The following ZDHHC11 variants were observed in gnomAD, a reference collection of about 807,000 sequenced individuals.
ZDHHC11 encodes zDHHC palmitoyltransferase 11.
ZDHHC11 carries 44 observed loss-of-function variants against 51.3 expected under a neutral mutation model. The ratio of observed to expected loss-of-function variants is 0.86; its 90% confidence interval spans 0.67 to 1.10. The LOEUF (loss-of-function observed/expected upper bound fraction) is 1.10, where lower values mean the gene tolerates loss of function less well. ZDHHC11 is among the 50% of genes least tolerant of loss of function. ZDHHC11 has a pLI of 0.00. For synonymous variants in ZDHHC11, 163 were observed against 222.0 expected (o/e 0.73, Z 2.36); for missense variants, 400 against 537.7 (o/e 0.74, Z 2.53).
chr5:829,121 C>A (rs1436223162), intron 7 of ZDHHC11, among the ~76,000 whole-genome samples: 2 of 137,970 alleles, frequency 1.4e-5, no homozygotes, highest in African/African-American at 5.3e-5. Flanking sequence ...AACCCAAACC[C>A]AACAGAAGAA....
rs190901128 is a variant in ZDHHC11 at position 836,738 on chromosome 5, G to A, written c.900+627C>T. Among the ~76,000 whole-genome samples, 670 of 149,534 alleles carry A rather than the reference G, an allele frequency of 4.5e-3. 49 individuals are homozygous for A. Among genetic ancestry groups the A allele is most frequent in the Non-Finnish European group, 2.8e-3 (190 of 67,134 alleles). ...TTATAATAATTCATGTCACTTAACC[G>A]GAAAGGGAACTAACTTCCTTAAGTT... On this transcript the variant is annotated intron_variant, in intron 6 of 12. Transcript: ENST00000283441.
intron 10 of ZDHHC11, chr5:816,584 G>A: frequency 1.6e-6 from 1 of 620,368 alleles, no homozygotes; most frequent in South Asian, 1.4e-5. Flanking sequence ...TTGTCTAATT[G>A]ACGGTCACCT....
At chr5:839,993 C>T (rs1319626450) in intron 5 of ZDHHC11, 8 of 554,144 alleles carry the variant, frequency 1.4e-5, no homozygotes, top group Non-Finnish European at 3.2e-6. Flanking sequence ...CGTTCAGCAA[C>T]ATGACTGACC....
At chr5:855,500 A>T (rs1156502457), upstream of ZDHHC11, among the ~76,000 whole-genome samples, 5 of 144,716 alleles carry the variant, frequency 3.5e-5, no homozygotes, top group African/African-American at 1.4e-4. Flanking sequence ...CACAGAGGAC[A>T]GCAAGCTGGG....
rs201839956 is a variant in ZDHHC11, at chr5:819,578, G to A, written c.1093C>T (p.Arg365Cys). 85 of 1,609,908 alleles carry A rather than the reference G, an allele frequency of 5.3e-5. 3 individuals are homozygous for A. Among genetic ancestry groups the A allele is most frequent in the Admixed American group, 5.2e-4 (31 of 59,930 alleles). The change falls in exon 10 of 13, where the codon CGC becomes TGC. Residue 365 changes from arginine (R) to cysteine (C), a missense_variant. Transcript: ENST00000283441. ...ACACGAGTGGAGAACTGACACAGGCGCCTGCAAATCAGCCGGGAGTTCCTG... is the reference window on the plus strand; with the variant it reads ...ACACGAGTGGAGAACTGACACAGGCACCTGCAAATCAGCCGGGAGTTCCTG... ...KARNSRLICR[R>C]LCQFSTRVHP...
intron 3 of ZDHHC11, among the ~76,000 whole-genome samples, chr5:845,140 G>C (rs1745922566): frequency 1.3e-5 from 2 of 152,288 alleles, no homozygotes; most frequent in African/African-American, 4.8e-5. Context: ...GATAATCCAG[G>C]GGTGACGGGT....
At chr5:812,311 TGAAA>T (rs894750575) in intron 11 of ZDHHC11, among the ~76,000 whole-genome samples, 1 of 151,908 alleles carries the variant, frequency 6.6e-6, no homozygotes, top group African/African-American at 2.4e-5. Flanking sequence ...AAAGACAGAC[TGAAA>T]GAAATACGTT....
intron 11 of ZDHHC11, among the ~76,000 whole-genome samples, chr5:802,907 G>T (rs1381902761): frequency 7.0e-6 from 1 of 143,106 alleles, no homozygotes; most frequent in Non-Finnish European, 1.5e-5. Context: ...TGTAGTCCCA[G>T]TTACTTGGGA....
At chr5:815,977 C>T (rs78461322) in intron 10 of ZDHHC11, among the ~76,000 whole-genome samples, 3,712 of 151,296 alleles carry the variant, frequency 0.025, 218 homozygotes, top group African/African-American at 0.082. Context: ...GTGGTTTTAG[C>T]TCGTGGATCC....
At chr5:834,031 T>A (rs547395441) in intron 6 of ZDHHC11, among the ~76,000 whole-genome samples, 2 of 152,418 alleles carry the variant, frequency 1.3e-5, no homozygotes, top group East Asian at 3.9e-4. Flanking sequence ...TAGACATTTA[T>A]CTTTTAAAGA....
upstream of ZDHHC11, among the ~76,000 whole-genome samples, chr5:854,477 T>G (rs1214826732): frequency 0.029 from 1,565 of 54,706 alleles, no homozygotes; most frequent in Middle Eastern, 0.057. Context: ...AGTGAGCAGC[T>G]GGGACAGACC....
At chr5:823,981 G>A (rs112980019) in intron 8 of ZDHHC11, 19,404 of 444,750 alleles carry the variant, frequency 0.044, 978 homozygotes, top group Non-Finnish European at 0.055. Flanking sequence ...GCAGGCAAGG[G>A]GCAAGGCTTG....
chr5:840,934 G>A (rs1180119720), intron 4 of ZDHHC11: 4 of 1,384,960 alleles, frequency 2.9e-6, no homozygotes, highest in Admixed American at 3.0e-5. Flanking sequence ...AAGTGCTGGG[G>A]TCACAGCGCC....
chr5:801,793 T>G (rs1738462381), intron 11 of ZDHHC11, among the ~76,000 whole-genome samples: 1 of 151,240 alleles, frequency 6.6e-6, no homozygotes, highest in African/African-American at 2.4e-5. Context: ...CGCAAAATTT[T>G]GCTTTGAAAG....
At chr5:820,018 T>C (rs1646682980) in intron 9 of ZDHHC11, among the ~76,000 whole-genome samples, 1 of 151,354 alleles carries the variant, frequency 6.6e-6, no homozygotes, top group Admixed American at 6.6e-5. Flanking sequence ...GTGACCTTCA[T>C]TTTTACCTGG....
intron 7 of ZDHHC11, among the ~76,000 whole-genome samples, 193 bp downstream of exon 7, chr5:833,580 C>CA (rs1433295782): frequency 6.6e-6 from 1 of 151,208 alleles, no homozygotes. Context: ...GCAAGTAAGA[C>CA]AAGCACATCG....
chr5:798,406 C>A (rs547197126), intron 12 of ZDHHC11, among the ~76,000 whole-genome samples: 2 of 151,560 alleles, frequency 1.3e-5, no homozygotes, highest in African/African-American at 2.4e-5. Context: ...GACACGGACA[C>A]GCGCACGCGT....
chr5:856,232 C>T (rs115217282), intron 1 of ZDHHC11, among the ~76,000 whole-genome samples: 152 of 151,086 alleles, frequency 1.0e-3, no homozygotes, highest in African/African-American at 3.6e-3. Flanking sequence ...GACCACACAC[C>T]GCATACCACA....
At chr5:817,176 G>A (rs529355912) in intron 10 of ZDHHC11, among the ~76,000 whole-genome samples, 3 of 151,698 alleles carry the variant, frequency 2.0e-5, no homozygotes, top group South Asian at 2.1e-4. Context: ...TAGCTCTGAG[G>A]TCAAGCTGTG....
Sources: gnomAD v4.1 joint callset for allele counts (sites outside exome capture counted in the v4.1 genomes callset) on GRCh38, gnomAD v4.1.1 for gene constraint, MANE v1.5 for transcripts, NCBI Gene and HGNC (gene_info 2026-07-23, HGNC 2026-07-21) for gene names.